The following RTN4 variants were observed in gnomAD, a reference collection of about 807,000 sequenced individuals.
RTN4 encodes the protein reticulon 4.
Under a neutral mutation model 90.4 loss-of-function variants are expected in RTN4, and 32 were observed. The observed-to-expected ratio is 0.35, with a 90% confidence interval of 0.27 to 0.48. The LOEUF is 0.48. RTN4 is among the 20% of genes least tolerant of loss of function. RTN4 has a pLI of 0.99. For missense variants in RTN4, 1,706 were observed against 1,430.2 expected, an observed-to-expected ratio of 1.19 and a Z score of -3.11; for synonymous variants, 629 against 552.5, an observed-to-expected ratio of 1.14 and a Z score of -1.94.
At chr2:55,047,974 C>G (rs1667857816) in intron 1 of RTN4, among the ~76,000 whole-genome samples, 1 of 152,192 alleles carries the variant, frequency 6.6e-6, no homozygotes. Flanking sequence ...TTAGGCAATT[C>G]TGTCGTTGTG....
intron 3 of RTN4, among the ~76,000 whole-genome samples, chr2:55,024,883 T>C (rs1681701746): frequency 6.6e-6 from 1 of 152,162 alleles, no homozygotes; most frequent in Non-Finnish European, 1.5e-5. Flanking sequence ...AAAGTGTAAC[T>C]GTGTGGAAAA....
At chr2:55,084,076 A>G (rs1668790710) in intron 1 of RTN4, among the ~76,000 whole-genome samples, 1 of 152,118 alleles carries the variant, frequency 6.6e-6, no homozygotes, top group African/African-American at 2.4e-5. Flanking sequence ...CTACTCTGCA[A>G]CCTCCAGGAA....
upstream of RTN4, among the ~76,000 whole-genome samples, chr2:55,051,632 T>C (rs963338605): frequency 1.4e-4 from 21 of 152,220 alleles, no homozygotes; most frequent in Non-Finnish European, 1.9e-4. Flanking sequence ...GCTCAAAGTC[T>C]AAATCTGTGC....
chr2:55,029,431 G>T (rs2104883789), intron 1 of RTN4, among the ~76,000 whole-genome samples: 1 of 152,278 alleles, frequency 6.6e-6, no homozygotes, highest in East Asian at 1.9e-4. Flanking sequence ...TTACACTAGA[G>T]AAAGGCCTCT....
chr2:55,110,989 C>T (rs376250286), intron 1 of RTN4, among the ~76,000 whole-genome samples: 1 of 151,784 alleles, frequency 6.6e-6, no homozygotes, highest in Non-Finnish European at 1.5e-5. Flanking sequence ...TGCAGTGAGC[C>T]GAGATCGTAC....
intron 1 of RTN4, among the ~76,000 whole-genome samples, chr2:55,044,186 C>T (rs1464750633): frequency 6.6e-6 from 1 of 152,058 alleles, no homozygotes; most frequent in Non-Finnish European, 1.5e-5. Flanking sequence ...AAGAGCAAGA[C>T]CCTGTCTCCA....
intron 1 of RTN4, among the ~76,000 whole-genome samples, chr2:55,038,270 AG>A (rs1156328454): frequency 6.6e-6 from 1 of 152,198 alleles, no homozygotes; most frequent in Non-Finnish European, 1.5e-5. Flanking sequence ...TGAAAGAAAA[AG>A]TAATTATGAC....
At position 55,025,917 on chromosome 2, in the gene RTN4, C is replaced by A; in HGVS notation, c.2182G>T (p.Val728Leu). ...TCAACTAGCTCAGAATGATCAGGCA[C>A]TGGCTGTTCAACTTTTGCCATTTCT... ...YSEMAKVEQP[V>L]PDHSELVEDS... The change falls in exon 3 of 9, where the codon GTG (valine) becomes TTG (leucine). Residue 728 changes from valine to leucine, a missense_variant. By Grantham distance (32) the Val-to-Leu change is conservative. Coordinates refer to ENST00000337526, the MANE Select transcript of RTN4 (RefSeq NM_020532.5). 1 of 1,613,386 alleles carries A rather than the reference C, an allele frequency of 6.2e-7. No homozygotes were observed. Among genetic ancestry groups the A allele is most frequent in the East Asian group, 2.2e-5 (1 of 44,874 alleles).
the RTN4 span, among the ~76,000 whole-genome samples, chr2:55,129,109 C>CAAAAAA: frequency 6.0e-5 from 6 of 99,304 alleles, no homozygotes; most frequent in Admixed American, 1.0e-4. Flanking sequence ...GACTCCGTCT[C>CAAAAAA]AAAAAAAAAA....
chr2:55,105,050 A>G (rs540790411), intron 1 of RTN4, among the ~76,000 whole-genome samples: 7 of 150,802 alleles, frequency 4.6e-5, no homozygotes, highest in Non-Finnish European at 4.4e-5. Flanking sequence ...CAAGCAATCC[A>G]CTCACCATGT....
intron 5 of RTN4, among the ~76,000 whole-genome samples, chr2:54,975,034 A>C (rs1358658044): frequency 2.0e-5 from 3 of 152,240 alleles, no homozygotes; most frequent in Non-Finnish European, 2.9e-5. Flanking sequence ...CCAAGGGTGC[A>C]TCTTACCCCT....
At chr2:55,063,221 T>TA (rs1271518854) in intron 2 of RTN4, among the ~76,000 whole-genome samples, 5 of 152,298 alleles carry the variant, frequency 3.3e-5, no homozygotes, top group Middle Eastern at 3.4e-3. Context: ...AATTATATTT[T>TA]AAAAAAATAG....
rs145530803 is a variant in RTN4 at position 55,084,303 on chromosome 2, C to CT, written c.-213-3665dup. Among the ~76,000 whole-genome samples the CT allele has an allele frequency of 6.2e-3, 882 of 141,162 alleles. 5 individuals are homozygous for CT. The highest frequency in any genetic ancestry group is 0.023 in the South Asian group (99 of 4,396). The allele number at this position is 141,162 out of a possible 152,430, so 92.6% of individuals were successfully genotyped here. A position where few individuals can be genotyped will look rare whatever the true frequency, so the allele number is the denominator to read the frequency against. ...TGTTCCTGAGTTGCATCCCCCCTGC[C>CT]TTTTTTTTTTTTTTTTAAATAGAGG... is the stretch of plus-strand genomic sequence containing the variant. On this transcript the variant is annotated intron_variant, in intron 1 of 3. Transcript: ENST00000427710.
chr2:54,981,280 T>G (rs1385558301), intron 5 of RTN4, among the ~76,000 whole-genome samples: 5 of 149,932 alleles, frequency 3.3e-5, no homozygotes, highest in Admixed American at 1.3e-4. Context: ...CTAAAATGTT[T>G]TTGTTTTTTT....
intron 1 of RTN4, among the ~76,000 whole-genome samples, chr2:55,089,633 T>C (rs992232006): frequency 6.6e-6 from 1 of 152,246 alleles, no homozygotes; most frequent in African/African-American, 2.4e-5. Flanking sequence ...TGTTGTCAAC[T>C]GCATGTCTAG....
At chr2:54,989,174 C>T (rs1229205873) in intron 3 of RTN4, among the ~76,000 whole-genome samples, 5 of 152,212 alleles carry the variant, frequency 3.3e-5, no homozygotes, top group Non-Finnish European at 5.9e-5. Flanking sequence ...AAGCCCTTAA[C>T]TGCTGCTAGT....
At chr2:55,092,760 A>G (rs1032551303) in intron 1 of RTN4, among the ~76,000 whole-genome samples, 9 of 152,222 alleles carry the variant, frequency 5.9e-5, no homozygotes, top group Non-Finnish European at 1.2e-4. Flanking sequence ...ATATATGTAG[A>G]TGCCCTTTTC....
intron 3 of RTN4, among the ~76,000 whole-genome samples, chr2:55,012,610 A>G (rs973852349): frequency 6.6e-6 from 1 of 152,228 alleles, no homozygotes; most frequent in African/African-American, 2.4e-5. Context: ...TACTAAAAAT[A>G]GAAGGCTTTA....
At chr2:55,119,970 C>T in the RTN4 span, among the ~76,000 whole-genome samples, 1 of 152,232 alleles carries the variant, frequency 6.6e-6, no homozygotes, top group African/African-American at 2.4e-5. Flanking sequence ...GAACACCTCT[C>T]CATTTGCTCC....
Sources: gnomAD v4.1 joint callset for allele counts (sites outside exome capture counted in the v4.1 genomes callset) on GRCh38, gnomAD v4.1.1 for gene constraint, MANE v1.5 for transcripts, NCBI Gene and HGNC (gene_info 2026-07-23, HGNC 2026-07-21) for gene names.